Variants in ZNF385D observed in about 807,000 individuals in gnomAD.
ZNF385D encodes zinc finger protein 659.
A neutral mutation model predicts 35.8 loss-of-function variants in ZNF385D; 15 were observed. The ratio of observed to expected loss-of-function variants is 0.42; its 90% CI spans 0.28 to 0.64. ZNF385D has a LOEUF of 0.64. Ranked by LOEUF, ZNF385D falls within the 30% of genes least tolerant of loss-of-function variation. The probability of loss-of-function intolerance (pLI) is 0.23; values close to 1 mark genes in which losing one functional copy is unlikely to be tolerated. For synonymous variants in ZNF385D, 212 were observed against 186.8 expected, an observed-to-expected ratio of 1.13 and a Z score of -1.10; for missense variants, 474 against 494.6, an observed-to-expected ratio of 0.96 and a Z score of 0.39.
At chr3:21,953,714 C>T (rs1702164066) in intron 3 of ZNF385D, among the ~76,000 whole-genome samples, 1 of 151,972 alleles carries the variant, frequency 6.6e-6, no homozygotes, top group Admixed American at 6.6e-5. Flanking sequence ...ACCAGCCATC[C>T]ATTTTTTTAA....
rs544220394 is a variant in ZNF385D, at chr3:21,746,335, G to A, written c.22+4560C>T. Among the ~76,000 whole-genome samples the A allele has an allele frequency of 8.5e-5, 13 of 152,264 alleles. No individual in the cohort carries two copies. In the South Asian group the frequency reaches 2.7e-3, roughly 32 times the overall value. ...TTTAAAAAACTAGCTTAAAATTTAA[G>A]GATGTGATAAGGAATCCATGTCACT... On this transcript the variant is annotated intron_variant, in intron 1 of 7. Transcript: ENST00000281523.
intron 2 of ZNF385D, among the ~76,000 whole-genome samples, chr3:22,289,509 T>C (rs1453776548): frequency 6.6e-6 from 1 of 152,122 alleles, no homozygotes; most frequent in Non-Finnish European, 1.5e-5. Flanking sequence ...TCAGGCTAGA[T>C]AGGAGCTCAA....
intron 3 of ZNF385D, among the ~76,000 whole-genome samples, chr3:22,122,906 A>G (rs1044660586): frequency 2.6e-4 from 40 of 152,250 alleles, no homozygotes; most frequent in African/African-American, 9.4e-4. Flanking sequence ...GGTGAACGCC[A>G]TAAGTGACTG....
chr3:22,354,956 C>A (rs1010140889), intron 2 of ZNF385D, among the ~76,000 whole-genome samples: 1 of 152,152 alleles, frequency 6.6e-6, no homozygotes, highest in African/African-American at 2.4e-5. Context: ...GGAAGAACAT[C>A]ACCCTCACTG....
intron 3 of ZNF385D, among the ~76,000 whole-genome samples, chr3:21,821,521 A>T (rs949225963): frequency 2.6e-5 from 4 of 152,246 alleles, no homozygotes; most frequent in Non-Finnish European, 5.9e-5. Context: ...AGAAATAAGA[A>T]TGATTAACTA....
chr3:21,637,809 C>T (rs1436416059), intron 2 of ZNF385D, among the ~76,000 whole-genome samples: 7 of 152,010 alleles, frequency 4.6e-5, no homozygotes, highest in Non-Finnish European at 8.8e-5. Context: ...AAATGAGTAA[C>T]TCTCAGGAAA....
intron 3 of ZNF385D, among the ~76,000 whole-genome samples, chr3:21,908,014 T>C (rs1176984902): frequency 6.6e-6 from 1 of 152,104 alleles, no homozygotes; most frequent in African/African-American, 2.4e-5. Flanking sequence ...GAACTGAAGA[T>C]ACCATATTCA....
intron 3 of ZNF385D, among the ~76,000 whole-genome samples, chr3:22,116,634 A>T (rs920420938): frequency 1.3e-5 from 2 of 152,106 alleles, no homozygotes; most frequent in African/African-American, 4.8e-5. Flanking sequence ...GCTTTCTAAC[A>T]ACTAATGCAA....
chr3:21,424,236 A>C, intron 6 of ZNF385D, among the ~76,000 whole-genome samples, 172 bp from the exon 7 acceptor site: 1 of 122,018 alleles, frequency 8.2e-6, no homozygotes, highest in African/African-American at 2.8e-5. Context: ...GAGGATATAT[A>C]TTTTTATGCT....
At chr3:21,535,770 C>CTAGTTT (rs1216049697) in intron 3 of ZNF385D, among the ~76,000 whole-genome samples, 1 of 151,962 alleles carries the variant, frequency 6.6e-6, no homozygotes, top group African/African-American at 2.4e-5. Context: ...TTTACATGTG[C>CTAGTTT]CCACTGTTTC....
chr3:21,934,683 T>C (rs1206852871), intron 3 of ZNF385D, among the ~76,000 whole-genome samples: 2 of 152,208 alleles, frequency 1.3e-5, no homozygotes, highest in East Asian at 1.9e-4. Context: ...CTCTTAGTGA[T>C]ACAATGAGAG....
intron 3 of ZNF385D, among the ~76,000 whole-genome samples, chr3:22,129,620 T>G (rs73142977): frequency 0.021 from 3,263 of 152,216 alleles, 120 homozygotes; most frequent in African/African-American, 0.075. Flanking sequence ...CCCAGATTTG[T>G]GGTGACTGTA....
chr3:22,196,330 C>A (rs1200716133), intron 2 of ZNF385D, among the ~76,000 whole-genome samples: 2 of 151,010 alleles, frequency 1.3e-5, no homozygotes, highest in African/African-American at 4.9e-5. Flanking sequence ...CATTCTTTTA[C>A]TTCATATCTT....
chr3:22,125,171 T>C (rs921655755), intron 3 of ZNF385D, among the ~76,000 whole-genome samples: 1 of 152,176 alleles, frequency 6.6e-6, no homozygotes, highest in Non-Finnish European at 1.5e-5. Flanking sequence ...TTGAAGAGAC[T>C]ATCCTTTTCC....
chr3:21,447,496 A>G (rs1280347338), intron 4 of ZNF385D, among the ~76,000 whole-genome samples: 1 of 152,216 alleles, frequency 6.6e-6, no homozygotes, highest in Non-Finnish European at 1.5e-5. Context: ...TCAGTTTGAA[A>G]TCTGGCAAGA....
chr3:21,974,901 C>G (rs1347344611), intron 3 of ZNF385D, among the ~76,000 whole-genome samples: 2 of 152,030 alleles, frequency 1.3e-5, no homozygotes, highest in Non-Finnish European at 2.9e-5. Flanking sequence ...GGGTTTTGTC[C>G]AAAAGACAGA....
chr3:22,092,899 T>C (rs1342220874), intron 3 of ZNF385D, among the ~76,000 whole-genome samples: 1 of 152,182 alleles, frequency 6.6e-6, no homozygotes, highest in Non-Finnish European at 1.5e-5. Flanking sequence ...TTCTCTATTA[T>C]TTATAACTCA....
intron 3 of ZNF385D, among the ~76,000 whole-genome samples, chr3:22,050,494 G>A (rs1459587384): frequency 6.6e-6 from 1 of 152,118 alleles, no homozygotes; most frequent in African/African-American, 2.4e-5. Flanking sequence ...GACAGGAAAT[G>A]TTTCATTATT....
At chr3:21,867,552 A>C (rs1697437377) in intron 3 of ZNF385D, among the ~76,000 whole-genome samples, 1 of 152,046 alleles carries the variant, frequency 6.6e-6, no homozygotes, top group Non-Finnish European at 1.5e-5. Flanking sequence ...TTGCGTCTTG[A>C]TTTACTCTAT....
Sources: gnomAD v4.1 joint callset for allele counts (sites outside exome capture counted in the v4.1 genomes callset) on GRCh38, gnomAD v4.1.1 for gene constraint, MANE v1.5 for transcripts, NCBI Gene and HGNC (gene_info 2026-07-23, HGNC 2026-07-21) for gene names.